Variants in HS3ST4 observed in about 807,000 individuals in gnomAD.
HS3ST4 encodes the protein heparan sulfate glucosamine 3-O-sulfotransferase 4.
Under a neutral mutation model 29.2 loss-of-function variants are expected in HS3ST4, and 17 were observed. The observed-to-expected ratio is 0.58, with a 90% CI of 0.40 to 0.87. The LOEUF is 0.87. Among genes scored for constraint, HS3ST4 ranks in the 40% least tolerant of loss-of-function variants. HS3ST4 has a pLI of 0.00. For missense variants in HS3ST4, 627 were observed against 634.5 expected, an observed-to-expected ratio of 0.99 and a Z score of 0.13; for synonymous variants, 314 against 285.7, an observed-to-expected ratio of 1.10 and a Z score of -1.00.
chr16:25,932,077 G>C (rs1368278398), intron 1 of HS3ST4, among the ~76,000 whole-genome samples: 1 of 152,162 alleles, frequency 6.6e-6, no homozygotes, highest in Non-Finnish European at 1.5e-5. Context: ...CACTTTGAGA[G>C]GCCAAAGCCA....
chr16:26,057,698 C>A (rs188405595), intron 1 of HS3ST4, among the ~76,000 whole-genome samples: 1 of 152,164 alleles, frequency 6.6e-6, no homozygotes, highest in South Asian at 2.1e-4. Context: ...GAGCCAAGAT[C>A]GCTCCACTGC....
At chr16:25,693,259 C>G in intron 1 of HS3ST4, 108 bp downstream of exon 1, 1 of 1,240,400 alleles carries the variant, frequency 8.1e-7, no homozygotes, top group Non-Finnish European at 1.1e-6. Flanking sequence ...CCGAGAGGCC[C>G]AAGCCCCCGC....
Position 26,034,668 on chromosome 16 carries a change from C to CGG in HS3ST4, c.735-100936_735-100935dup, listed in dbSNP as rs143831757. ...GAGGTGCTCCATTAAATAGCAGGGG[C>CGG]GGGGGGGGGTCTCACCAGCATGGAG... On this transcript the variant is annotated intron_variant, in intron 1 of 1. Transcript: ENST00000331351. 9.5e-4 allele frequency among the ~76,000 whole-genome samples: 90 copies of CGG among 94,496 alleles called. 1 individual carries two copies. The highest frequency in any genetic ancestry group is 4.0e-3 in the Admixed American group (32 of 7,986). 62.0% of individuals were successfully genotyped at this position (94,496 alleles called of 152,430 possible).
intron 1 of HS3ST4, among the ~76,000 whole-genome samples, chr16:26,132,371 C>G (rs1250042849): frequency 6.6e-6 from 1 of 152,076 alleles, no homozygotes; most frequent in Non-Finnish European, 1.5e-5. Context: ...CATGTGTGCC[C>G]CAAATGCAAA....
At chr16:26,103,933 A>G (rs767109636) in intron 1 of HS3ST4, among the ~76,000 whole-genome samples, 1 of 152,214 alleles carries the variant, frequency 6.6e-6, no homozygotes, top group Non-Finnish European at 1.5e-5. Context: ...TGAAAATTCA[A>G]TAAATACACA....
intron 1 of HS3ST4, among the ~76,000 whole-genome samples, chr16:26,105,903 T>C (rs1157048185): frequency 6.6e-6 from 1 of 152,240 alleles, no homozygotes; most frequent in Non-Finnish European, 1.5e-5. Context: ...ACTTAGATTC[T>C]AAACTAGGAA....
At chr16:26,127,548 CCTT>C (rs767083035) in intron 1 of HS3ST4, among the ~76,000 whole-genome samples, 2 of 152,214 alleles carry the variant, frequency 1.3e-5, no homozygotes, top group African/African-American at 2.4e-5. Flanking sequence ...TGCTCTGTCT[CCTT>C]CTCCTGCCTC....
At chr16:25,868,823 C>T (rs1030537509) in intron 1 of HS3ST4, among the ~76,000 whole-genome samples, 13 of 152,152 alleles carry the variant, frequency 8.5e-5, no homozygotes, top group Admixed American at 7.9e-4. Context: ...TTAATAAACA[C>T]GGCATCTTCT....
chr16:25,709,038 G>A (rs538082470), intron 1 of HS3ST4, among the ~76,000 whole-genome samples: 1 of 151,932 alleles, frequency 6.6e-6, no homozygotes, highest in African/African-American at 2.4e-5. Context: ...AAATCAAAAA[G>A]GAATTTAATG....
Position 26,009,400 on chromosome 16 carries a change from A to G in HS3ST4, c.735-126212A>G, listed in dbSNP as rs148659778. Among the ~76,000 whole-genome samples the G allele has an allele frequency of 4.0e-3, 607 of 152,318 alleles. 5 individuals carry two copies. The highest frequency in any genetic ancestry group is 6.7e-3 in the Non-Finnish European group (459 of 68,032). On this transcript the variant is annotated intron_variant, in intron 1 of 1. Coordinates refer to ENST00000331351, the MANE Select transcript of HS3ST4 (RefSeq NM_006040.3). ...TAGCCCCTAGCATTGCTCCTGAAAC[A>G]TGTTGATGGCTCAGTAAATATTTGT...
Position 26,135,789 on chromosome 16 carries a change from GAA to G in HS3ST4, c.914_915del (p.Lys305ThrfsTer7). On this transcript the variant is annotated frameshift_variant, in exon 2 of 2. Coordinates refer to ENST00000331351, the MANE Select transcript of HS3ST4 (RefSeq NM_006040.3). LOFTEE classifies it high-confidence loss of function. ...ISDYTQTLSK[K>X]PEIPTFEVLA... The stretch of plus-strand genomic sequence containing the variant: ...CTGACTACACGCAGACACTGTCAAA[GAA>G]ACCCGAGATCCCCACCTTTGAGGTG... The G allele has an allele frequency of 6.2e-7, 1 of 1,613,742 alleles. No homozygotes were observed. Among genetic ancestry groups the G allele is most frequent in the Non-Finnish European group, 8.5e-7 (1 of 1,179,910 alleles).
At chr16:25,719,010 T>C (rs1966475924) in intron 1 of HS3ST4, among the ~76,000 whole-genome samples, 1 of 151,580 alleles carries the variant, frequency 6.6e-6, no homozygotes, top group Non-Finnish European at 1.5e-5. Flanking sequence ...AGGGAGGGAG[T>C]GATCAACCAT....
intron 1 of HS3ST4, among the ~76,000 whole-genome samples, chr16:25,738,427 C>T (rs753675335): frequency 6.6e-6 from 1 of 152,186 alleles, no homozygotes; most frequent in Non-Finnish European, 1.5e-5. Context: ...TCCTAGTTCT[C>T]CCTTTTGATC....
intron 1 of HS3ST4, among the ~76,000 whole-genome samples, chr16:25,712,076 T>C (rs1018985729): frequency 8.5e-5 from 13 of 152,204 alleles, no homozygotes; most frequent in Non-Finnish European, 1.6e-4. Flanking sequence ...TTTAACACTT[T>C]TACGTTTATA....
intron 1 of HS3ST4, among the ~76,000 whole-genome samples, chr16:25,757,951 C>T (rs757225514): frequency 2.6e-5 from 4 of 152,166 alleles, no homozygotes; most frequent in African/African-American, 4.8e-5. Context: ...AACTTTAGTT[C>T]TGTAGAGAGA....
intron 1 of HS3ST4, among the ~76,000 whole-genome samples, chr16:25,882,253 AGTT>A (rs1967902276): frequency 6.6e-6 from 1 of 152,176 alleles, no homozygotes; most frequent in African/African-American, 2.4e-5. Context: ...TGGTCAAGGT[AGTT>A]GTTAGAGCTG....
intron 1 of HS3ST4, among the ~76,000 whole-genome samples, chr16:25,994,559 A>G (rs1969143002): frequency 6.6e-6 from 1 of 152,008 alleles, no homozygotes; most frequent in Non-Finnish European, 1.5e-5. Context: ...GATCCCACTT[A>G]TTTATTTTTT....
Position 25,696,930 on chromosome 16 carries a change from C to T in HS3ST4, c.734+3779C>T, listed in dbSNP as rs75905808. Among the ~76,000 whole-genome samples the T allele has an allele frequency of 4.2e-3, 633 of 152,288 alleles. 7 individuals carry two copies. Among genetic ancestry groups the T allele is most frequent in the African/African-American group, 0.014 (569 of 41,554 alleles). On this transcript the variant is annotated intron_variant, in intron 1 of 1. Coordinates refer to ENST00000331351, the MANE Select transcript of HS3ST4 (RefSeq NM_006040.3). ...GATGATATGCTGAGATATGTAGCAG[C>T]ATTTCCACTTTACACGTGGCTCCGA...
At chr16:25,899,263 T>C (rs1968098975) in intron 1 of HS3ST4, among the ~76,000 whole-genome samples, 1 of 152,246 alleles carries the variant, frequency 6.6e-6, no homozygotes, top group African/African-American at 2.4e-5. Context: ...CTGTTGACAA[T>C]ATAAATGTTC....
Sources: allele counts gnomAD v4.1 joint callset (sites outside exome capture counted in the v4.1 genomes callset), GRCh38; gene constraint gnomAD v4.1.1; transcripts MANE v1.5; gene names NCBI Gene and HGNC (gene_info 2026-07-23, HGNC 2026-07-21).